The following ME2 variants were observed in gnomAD, a reference collection of about 807,000 sequenced individuals.
The protein encoded by ME2 is NAD-dependent malic enzyme, mitochondrial.
ME2 carries 60 observed loss-of-function variants against 73.7 expected under a neutral mutation model. The observed-to-expected ratio is 0.81, with a 90% CI of 0.66 to 1.01. ME2 has a LOEUF of 1.01. Among genes scored for constraint, ME2 ranks in the 50% least tolerant of loss-of-function variants. The pLI is 0.00. For missense variants in ME2, 594 were observed against 705.5 expected (o/e 0.84, Z 1.79); for synonymous variants, 199 against 236.9 (o/e 0.84, Z 1.47).
intron 10 of ME2, among the ~76,000 whole-genome samples, chr18:50,922,849 G>A (rs928392452): frequency 3.9e-5 from 6 of 152,108 alleles, no homozygotes; most frequent in South Asian, 2.1e-4. Flanking sequence ...TTTCTCAGCC[G>A]ATTGATGATA....
rs1917399791 is a variant in ME2 at position 50,920,541 on chromosome 18, T to C, written c.820T>C (p.Cys274Arg). Residue 274 changes from cysteine (C) to arginine (R), a missense_variant, in exon 8 of 16, where the codon TGT (cysteine) becomes CGT (arginine). Transcript: ENST00000321341. ...CTTGAGAAAGTACCGAGAAAAATAT[T>C]GTACTTTCAATGATGATATTCAAGG... is the stretch of plus-strand genomic sequence containing the variant. The part of the protein sequence containing the change: ...RFLRKYREKY[C>R]TFNDDIQGTA... 1 of 1,592,924 alleles carries C rather than the reference T, an allele frequency of 6.3e-7. No homozygotes were observed. Among genetic ancestry groups the C allele is most frequent in the Non-Finnish European group, 8.5e-7 (1 of 1,174,054 alleles).
At chr18:50,946,487 G>A (rs1380978543) in intron 15 of ME2, among the ~76,000 whole-genome samples, 1 of 152,178 alleles carries the variant, frequency 6.6e-6, no homozygotes, top group African/African-American at 2.4e-5. Context: ...GAGAGTAAAG[G>A]AGGTATCCTT....
In ME2 at chr18:50,895,948, A is replaced by G. The variant is rs1252393563; in HGVS notation, c.108+20A>G. 1 of 1,467,770 alleles carries G rather than the reference A, an allele frequency of 6.8e-7. No individual in the cohort carries two copies. The highest frequency in any genetic ancestry group is 2.3e-5 in the East Asian group (1 of 44,146). The allele number at this position is 1,467,770 out of a possible 1,614,324, so 90.9% of individuals were successfully genotyped here. On this transcript the variant is annotated intron_variant, in intron 2 of 15. Coordinates refer to ENST00000321341, the MANE Select transcript of ME2 (RefSeq NM_002396.5). ...AACAAGGTTAGTAACATTAATATCA[A>G]TGTACATTTTCTCTCTTCTTATTAA...
In ME2 at chr18:50,951,770, C is replaced by T. The variant is rs1305437962; in HGVS notation, c.*4586C>T. 3 of 145,200 alleles carry T rather than the reference C, an allele frequency of 2.1e-5. No homozygotes were observed. Among genetic ancestry groups the T allele is most frequent in the Admixed American group, 7.2e-5 (1 of 13,880 alleles). 9.0% of individuals were successfully genotyped at this position (145,200 alleles called of 1,614,324 possible). On this transcript the variant is annotated 3_prime_UTR_variant, in exon 16 of 16. Coordinates refer to ENST00000321341, the MANE Select transcript of ME2 (RefSeq NM_002396.5). Reference sequence around the variant, plus strand: ...GCGGGCGCCTGTAGTCCCAGGTACTCGGGAGTCTGAGGAGTGAACCCGGGA... The same window carrying T: ...GCGGGCGCCTGTAGTCCCAGGTACTTGGGAGTCTGAGGAGTGAACCCGGGA...
chr18:50,933,247 T>G (rs1946457443), intron 13 of ME2: 1 of 152,214 alleles, frequency 6.6e-6, no homozygotes, highest in Non-Finnish European at 1.5e-5. Context: ...TAAGCAAGAC[T>G]GTGTTGAGTA....
In ME2 at chr18:50,948,561, T is replaced by C. The variant is rs1918144647; in HGVS notation, c.*1377T>C. 6.7e-6 allele frequency: 1 copy of C among 149,240 alleles called. No homozygotes were observed. The highest frequency in any genetic ancestry group is 6.7e-5 in the Admixed American group (1 of 14,986). The allele number at this position is 149,240 out of a possible 1,614,324, so 9.2% of individuals were successfully genotyped here. On this transcript the variant is annotated 3_prime_UTR_variant, in exon 16 of 16. Transcript: ENST00000321341. ...TGATTCTTTTTTTTTTTTTTTTTTT[T>C]TGAGACAGAGTCTCACTCTGTTACC...
Position 50,947,036 on chromosome 18 carries a change from C to T in ME2, c.1607C>T (p.Ala536Val), listed in dbSNP as rs1234088862. ...TTTCAGGTTACAGAATACCTATATG[C>T]TAATAAAATGGCTTTCCGATACCCA... ...IAIKVTEYLY[A>V]NKMAFRYPEP... Residue 536 changes from alanine to valine, a missense_variant, in exon 16 of 16, where the codon GCT becomes GTT. Transcript: ENST00000321341. The T allele has an allele frequency of 6.2e-7, 1 of 1,613,024 alleles. No homozygotes were observed. The highest frequency in any genetic ancestry group is 8.5e-7 in the Non-Finnish European group (1 of 1,179,044).
At chr18:50,945,412 G>A (rs1029753699) in intron 15 of ME2, among the ~76,000 whole-genome samples, 9 of 152,138 alleles carry the variant, frequency 5.9e-5, no homozygotes, top group African/African-American at 2.2e-4. Flanking sequence ...GAGCCACCAC[G>A]CCCAGCCAGC....
chr18:50,897,707 A>G (rs986553249), intron 2 of ME2, among the ~76,000 whole-genome samples: 10 of 152,178 alleles, frequency 6.6e-5, no homozygotes, highest in African/African-American at 1.4e-4. Flanking sequence ...CTAAAAATAC[A>G]TAATTAGCTG....
intron 1 of ME2, among the ~76,000 whole-genome samples, chr18:50,880,810 G>C (rs1441102351): frequency 2.6e-5 from 4 of 152,138 alleles, no homozygotes; most frequent in African/African-American, 4.8e-5. Context: ...ATGCTTAGTA[G>C]CTATTTCTGA....
chr18:50,910,619 C>T (rs980054585), intron 3 of ME2, among the ~76,000 whole-genome samples: 1 of 152,044 alleles, frequency 6.6e-6, no homozygotes, highest in Non-Finnish European at 1.5e-5. Context: ...GCTGGGCTGG[C>T]AAAGGCAGGT....
chr18:50,904,833 T>C (rs539774574), intron 2 of ME2, among the ~76,000 whole-genome samples: 24 of 151,540 alleles, frequency 1.6e-4, no homozygotes, highest in African/African-American at 5.3e-4. Context: ...CTTGGAGTTG[T>C]TGAGCTTACT....
At chr18:50,924,831 G>A (rs2427778) in intron 11 of ME2, among the ~76,000 whole-genome samples, 76,393 of 151,258 alleles carry the variant, frequency 0.51, 19,890 homozygotes, top group South Asian at 0.68. Context: ...ACAGGTACCC[G>A]CCACCACGCC....
At chr18:50,912,737 A>G (rs1917186437) in intron 3 of ME2, 64 bp from the exon 4 acceptor site, 1 of 1,290,060 alleles carries the variant, frequency 7.8e-7, no homozygotes, top group Admixed American at 2.8e-5. Flanking sequence ...TTTAACTTTC[A>G]TAAGCCAAGA....
chr18:50,910,052 A>G (rs1354141168), intron 3 of ME2, among the ~76,000 whole-genome samples: 1 of 152,160 alleles, frequency 6.6e-6, no homozygotes, highest in East Asian at 1.9e-4. Context: ...TATGAAAGTC[A>G]TCGCTCAGAT....
intron 1 of ME2, among the ~76,000 whole-genome samples, chr18:50,894,503 G>T (rs1313708705): frequency 6.6e-6 from 1 of 151,224 alleles, no homozygotes; most frequent in East Asian, 2.0e-4. Flanking sequence ...GGGAGGCAGA[G>T]GTTGCAGTGA....
Position 50,925,790 on chromosome 18 carries a change from T to C in ME2, c.1206T>C (p.Asp402=). 1 of 1,614,024 alleles carries C rather than the reference T, an allele frequency of 6.2e-7. No individual in the cohort carries two copies. Among genetic ancestry groups the C allele is most frequent in the Non-Finnish European group, 8.5e-7 (1 of 1,179,914 alleles). Residue 402 remains aspartate (D), a synonymous_variant, in exon 12 of 16, where the codon GAT becomes GAC. Transcript: ENST00000321341. The part of the protein sequence containing the change: ...VAGAGRLFTP[D]VIRAMASINE... Reference sequence around the variant, plus strand: ...GTGCTGGCCGTCTTTTCACTCCTGATGTAATCAGAGCCATGGCCTCTATCA... The same window carrying C: ...GTGCTGGCCGTCTTTTCACTCCTGACGTAATCAGAGCCATGGCCTCTATCA...
chr18:50,888,294 G>A (rs975462201), intron 1 of ME2, among the ~76,000 whole-genome samples: 1 of 150,896 alleles, frequency 6.6e-6, no homozygotes, highest in Admixed American at 6.6e-5. Flanking sequence ...GCAGTGAGCT[G>A]TGATCATGCC....
intron 4 of ME2, chr18:50,915,694 G>A (rs1432975197): frequency 6.6e-6 from 1 of 152,170 alleles, no homozygotes; most frequent in Non-Finnish European, 1.5e-5. Context: ...ATAAGTAAAA[G>A]TAACTTCACT....
Sources: gnomAD v4.1 joint callset for allele counts (sites outside exome capture counted in the v4.1 genomes callset) on GRCh38, gnomAD v4.1.1 for gene constraint, MANE v1.5 for transcripts, NCBI Gene and HGNC (gene_info 2026-07-23, HGNC 2026-07-21) for gene names.